The following THOC5 variants were observed in gnomAD, a reference collection of about 807,000 sequenced individuals.
THOC5 encodes the protein Fms-interacting protein.
Under a neutral mutation model 92.9 loss-of-function variants are expected in THOC5, and 43 were observed. That is an observed-to-expected ratio of 0.46 (90% CI 0.36 to 0.60). The LOEUF is 0.60. Ranked by LOEUF, THOC5 falls within the 20% of genes least tolerant of loss-of-function variation. The probability of loss-of-function intolerance (pLI) is 0.00; values close to 1 mark genes in which losing one functional copy is unlikely to be tolerated. For missense variants in THOC5, 659 were observed against 849.4 expected, an observed-to-expected ratio of 0.78 and a Z score of 2.79; for synonymous variants, 296 against 320.1, an observed-to-expected ratio of 0.92 and a Z score of 0.80.
At chr22:29,528,387 C>T in intron 10 of THOC5, 39 bp downstream of exon 10, 2 of 1,614,072 alleles carry the variant, frequency 1.2e-6, no homozygotes, top group Non-Finnish European at 1.7e-6. Flanking sequence ...CCAGTGCATG[C>T]AGCTGCTTGA....
intron 7 of THOC5, among the ~76,000 whole-genome samples, chr22:29,533,748 C>T (rs1372390291): frequency 1.3e-5 from 2 of 152,142 alleles, no homozygotes; most frequent in African/African-American, 4.8e-5. Context: ...CTGTGTTCAA[C>T]ATCACTAGTC....
chr22:29,541,864 A>T, intron 5 of THOC5, among the ~76,000 whole-genome samples: 1 of 33,234 alleles, frequency 3.0e-5, no homozygotes, highest in African/African-American at 1.3e-4. Context: ...CCATCTCCAA[A>T]AAAAAAAAAA....
At chr22:29,519,202 T>C in intron 14 of THOC5, 82 bp from the exon 15 acceptor site, 1 of 893,066 alleles carries the variant, frequency 1.1e-6, no homozygotes, top group Admixed American at 2.2e-5. Context: ...GACCTGCCTG[T>C]CTGCGGCACC....
chr22:29,511,333 T>C lies in THOC5; in HGVS notation c.1798-37A>G, dbSNP rs201986446. The C allele has an allele frequency of 4.2e-5, 66 of 1,589,816 alleles. No homozygotes were observed. The East Asian group carries it at 1.4e-3, about 34-fold the overall frequency. On this transcript the variant is annotated intron_variant, in intron 18 of 19. Coordinates refer to ENST00000490103, the MANE Select transcript of THOC5 (RefSeq NM_003678.5). The stretch of plus-strand genomic sequence containing the variant: ...GAAAGCCAGCATCTCAGCACTACCT[T>C]CCTGCATGTGGGGGACCACACTGGC...
At chr22:29,541,977 A>C (rs1365882283) in intron 5 of THOC5, among the ~76,000 whole-genome samples, 1 of 145,696 alleles carries the variant, frequency 6.9e-6, no homozygotes, top group Non-Finnish European at 1.5e-5. Flanking sequence ...GTTACAGATA[A>C]AAGCTGCTTT....
intron 7 of THOC5, among the ~76,000 whole-genome samples, chr22:29,534,265 T>C (rs888514088): frequency 3.9e-5 from 6 of 152,154 alleles, no homozygotes; most frequent in Non-Finnish European, 5.9e-5. Context: ...TTATGGTTAC[T>C]GGGGTGTGAG....
chr22:29,549,512 A>C (rs893037001), intron 1 of THOC5, among the ~76,000 whole-genome samples: 5 of 151,892 alleles, frequency 3.3e-5, no homozygotes, highest in African/African-American at 1.2e-4. Context: ...CCATCTCAAC[A>C]CCCTAGGCCA....
In THOC5 at chr22:29,545,140, A is replaced by G. The variant is rs972392808; in HGVS notation, c.97-537T>C. The stretch of plus-strand genomic sequence containing the variant: ...CTTATGTGGCGGCGGCAAGAGAAAA[A>G]TGAGGAGGAAGCAAAAGCAGAAACC... On this transcript the variant is annotated intron_variant, in intron 2 of 19. Coordinates refer to ENST00000490103, the MANE Select transcript of THOC5 (RefSeq NM_003678.5). 38 of 412,818 alleles carry G rather than the reference A, an allele frequency of 9.2e-5. No individual in the cohort carries two copies. The Middle Eastern group carries it at 4.7e-3, about 51-fold the overall frequency. The allele number at this position is 412,818 out of a possible 1,614,324, so 25.6% of individuals were successfully genotyped here. A position where few individuals can be genotyped will look rare whatever the true frequency, so the allele number is the denominator to read the frequency against.
intron 5 of THOC5, 49 bp from the exon 6 acceptor site, chr22:29,539,525 T>C: frequency 6.3e-7 from 1 of 1,590,598 alleles, no homozygotes; most frequent in Non-Finnish European, 8.6e-7. Context: ...GAAACTAAAC[T>C]GTAGTTTAAG....
rs574271888 is a variant in THOC5, at chr22:29,519,905, A to G, written c.1374+103T>C. ...TGCCTCAGCCTCCCAAAGTACAAGG[A>G]TTATAGGCATGAGCCACCGCACCTG... On this transcript the variant is annotated intron_variant, in intron 14 of 19. Coordinates refer to ENST00000490103, the MANE Select transcript of THOC5 (RefSeq NM_003678.5). 25 of 871,910 alleles carry G rather than the reference A, an allele frequency of 2.9e-5. No individual in the cohort carries two copies. In the South Asian group the frequency reaches 4.9e-4, roughly 17 times the overall value. 54.0% of individuals were successfully genotyped at this position (871,910 alleles called of 1,614,324 possible).
At chr22:29,524,126 G>A (rs1188254908) in intron 12 of THOC5, among the ~76,000 whole-genome samples, 1 of 152,150 alleles carries the variant, frequency 6.6e-6, no homozygotes, top group Non-Finnish European at 1.5e-5. Context: ...CTCCTTTTAT[G>A]TCTCCTCCCT....
At chr22:29,516,388 C>G (rs2063332943) in intron 17 of THOC5, among the ~76,000 whole-genome samples, 1 of 152,168 alleles carries the variant, frequency 6.6e-6, no homozygotes, top group South Asian at 2.1e-4. Context: ...CCTTACAGTT[C>G]TGGAACTGTC....
intron 2 of THOC5, among the ~76,000 whole-genome samples, chr22:29,547,803 T>C (rs887186260): frequency 6.6e-6 from 1 of 152,216 alleles, no homozygotes; most frequent in Non-Finnish European, 1.5e-5. Context: ...CTTCCACATT[T>C]TCAGGTATCT....
intron 8 of THOC5, chr22:29,531,594 C>A (rs982974964): frequency 4.0e-6 from 5 of 1,252,810 alleles, no homozygotes; most frequent in African/African-American, 3.1e-5. Flanking sequence ...GCTGTCCAGC[C>A]AGGCTCACGA....
At chr22:29,518,711 A>G (rs2063380206) in intron 15 of THOC5, among the ~76,000 whole-genome samples, 1 of 152,180 alleles carries the variant, frequency 6.6e-6, no homozygotes, top group Non-Finnish European at 1.5e-5. Context: ...AAAATCTGCA[A>G]TGCATGACCT....
At chr22:29,525,706 C>T in intron 12 of THOC5, 132 bp downstream of exon 12, 1 of 608,678 alleles carries the variant, frequency 1.6e-6, no homozygotes, top group Non-Finnish European at 2.9e-6. Flanking sequence ...TCTGGTCCAT[C>T]TGGATACAAG....
intron 7 of THOC5, among the ~76,000 whole-genome samples, 179 bp from the exon 8 acceptor site, chr22:29,532,142 A>C (rs1377863744): frequency 6.6e-6 from 1 of 152,134 alleles, no homozygotes; most frequent in Non-Finnish European, 1.5e-5. Flanking sequence ...CTAGCAACAA[A>C]CAGTAAGGAA....
At chr22:29,520,919 C>G (rs1331068500) in intron 13 of THOC5, 79 bp downstream of exon 13, 9 of 1,093,390 alleles carry the variant, frequency 8.2e-6, no homozygotes, top group African/African-American at 3.1e-5. Context: ...CTGGCCCTAA[C>G]AGGTCTCCAG....
chr22:29,526,027 G>C (rs1395673092), intron 11 of THOC5, 81 bp from the exon 12 acceptor site: 8 of 572,434 alleles, frequency 1.4e-5, no homozygotes, highest in East Asian at 5.2e-5. Flanking sequence ...GTAGTAAGGT[G>C]GGGGGGTCAA....
Sources: gnomAD v4.1 joint callset for allele counts (sites outside exome capture counted in the v4.1 genomes callset) on GRCh38, gnomAD v4.1.1 for gene constraint, MANE v1.5 for transcripts, NCBI Gene and HGNC (gene_info 2026-07-23, HGNC 2026-07-21) for gene names.